Variants in KANK1 observed in about 807,000 individuals in gnomAD.
KANK1 encodes KN motif and ankyrin repeat domain-containing protein 1.
A neutral mutation model predicts 106.2 loss-of-function variants in KANK1; 109 were observed. That is an observed-to-expected ratio of 1.03 (90% CI 0.88 to 1.20). KANK1 has a LOEUF of 1.20. Among genes scored for constraint, KANK1 ranks in the 50% most tolerant of loss-of-function variants. The pLI is 0.00. For missense variants in KANK1, 2,399 were observed against 1,710.7 expected (o/e 1.40, Z -7.10); for synonymous variants, 873 against 652.2 (o/e 1.34, Z -5.16).
chr9:736,250 C>T (rs1159685216), intron 7 of KANK1, among the ~76,000 whole-genome samples: 12 of 152,168 alleles, frequency 7.9e-5, no homozygotes, highest in African/African-American at 2.2e-4. Context: ...TGACCCACCG[C>T]GCCTGGCCTC....
rs559786086 is a variant in KANK1 at position 701,394 on chromosome 9, G to A, written c.38-9410G>A. On this transcript the variant is annotated intron_variant, in intron 2 of 11. Coordinates refer to ENST00000382297, the MANE Select transcript of KANK1 (RefSeq NM_015158.5). Reference sequence around the variant, plus strand: ...GCTGGGATTACAGGCATGAGCCTCCGCGCCCAATGGAAGAATACAGATTAT... The same window carrying A: ...GCTGGGATTACAGGCATGAGCCTCCACGCCCAATGGAAGAATACAGATTAT... Among the ~76,000 whole-genome samples the A allele has an allele frequency of 4.6e-5, 7 of 152,186 alleles. No homozygotes were observed. The East Asian group carries it at 5.8e-4, about 13-fold the overall frequency.
In KANK1 at chr9:738,451, A is replaced by G; in HGVS notation, c.3500A>G (p.His1167Arg). ...LADGNGNTAL[H>R]YSVSHSNFEI... Reference sequence around the variant, plus strand: ...GACGGCAACGGCAACACAGCCCTCCATTACAGCGTGTCCCACTCCAACTTC... The same window carrying G: ...GACGGCAACGGCAACACAGCCCTCCGTTACAGCGTGTCCCACTCCAACTTC... The change falls in exon 8 of 12, where the codon CAT becomes CGT. Residue 1167 changes from histidine (H) to arginine (R), a missense_variant. By Grantham distance (29) the His-to-Arg change is conservative. Transcript: ENST00000382297. 1 of 1,614,138 alleles carries G rather than the reference A, an allele frequency of 6.2e-7. No individual in the cohort carries two copies. Among genetic ancestry groups the G allele is most frequent in the Non-Finnish European group, 8.5e-7 (1 of 1,180,028 alleles).
At chr9:478,674 C>G (rs542789223) in intron 3 of KANK1, among the ~76,000 whole-genome samples, 111 of 152,298 alleles carry the variant, frequency 7.3e-4, no homozygotes, top group Middle Eastern at 3.4e-3. Context: ...GGAGGGCAGA[C>G]AATAGCCACT....
intron 1 of KANK1, among the ~76,000 whole-genome samples, chr9:529,721 T>C (rs1412786996): frequency 6.6e-6 from 1 of 152,228 alleles, no homozygotes. Flanking sequence ...TCCTATTGAT[T>C]TGCTACATCC....
chr9:545,774 G>T (rs72689627), intron 1 of KANK1, among the ~76,000 whole-genome samples: 1,388 of 126,994 alleles, frequency 0.011, 36 homozygotes, highest in African/African-American at 0.04. Flanking sequence ...ATGTAGTCTC[G>T]CTGCTCTGTC....
At chr9:555,740 A>G (rs530827955) in intron 1 of KANK1, among the ~76,000 whole-genome samples, 16 of 152,362 alleles carry the variant, frequency 1.1e-4, no homozygotes, top group East Asian at 9.6e-4. Context: ...GAAATATTCA[A>G]TTTGACAAGA....
intron 1 of KANK1, among the ~76,000 whole-genome samples, chr9:669,413 C>A (rs1004061009): frequency 1.3e-5 from 2 of 152,054 alleles, no homozygotes; most frequent in Admixed American, 6.5e-5. Context: ...GTGGTAAATT[C>A]TCTTAGCTTT....
intron 1 of KANK1, among the ~76,000 whole-genome samples, chr9:582,286 A>T (rs1189289616): frequency 6.6e-6 from 1 of 152,088 alleles, no homozygotes; most frequent in African/African-American, 2.4e-5. Context: ...GATTTGAGGC[A>T]TTTCTTTGTT....
At chr9:666,436 T>A (rs561888564) in intron 1 of KANK1, among the ~76,000 whole-genome samples, 1 of 152,254 alleles carries the variant, frequency 6.6e-6, no homozygotes, top group East Asian at 1.9e-4. Flanking sequence ...ATGAACACCT[T>A]TATTTTTTTT....
At chr9:645,126 C>CAAAAAAAAAA (rs56391632) in intron 1 of KANK1, among the ~76,000 whole-genome samples, 1 of 71,104 alleles carries the variant, frequency 1.4e-5, no homozygotes, top group East Asian at 4.1e-4. Context: ...TCCATCTCTA[C>CAAAAAAAAAA]AAAAAAAAAA....
At chr9:691,434 T>TA (rs1482237582) in intron 2 of KANK1, among the ~76,000 whole-genome samples, 1 of 150,216 alleles carries the variant, frequency 6.7e-6, no homozygotes, top group Non-Finnish European at 1.5e-5. Context: ...TTATTATTAT[T>TA]TTTTTTAATA....
At chr9:600,842 G>T (rs1008086438) in intron 1 of KANK1, among the ~76,000 whole-genome samples, 1 of 151,822 alleles carries the variant, frequency 6.6e-6, no homozygotes, top group Non-Finnish European at 1.5e-5. Context: ...TTGGGAATTT[G>T]CTAACATGTT....
chr9:589,932 C>T (rs977965444), intron 1 of KANK1, among the ~76,000 whole-genome samples: 2 of 152,144 alleles, frequency 1.3e-5, no homozygotes, highest in African/African-American at 4.8e-5. Flanking sequence ...ATTCTGTGAA[C>T]CCCTTAGGCA....
chr9:515,984 T>C (rs1026032258), intron 1 of KANK1, among the ~76,000 whole-genome samples: 3 of 151,860 alleles, frequency 2.0e-5, no homozygotes, highest in African/African-American at 7.3e-5. Flanking sequence ...CAGTTGTTTC[T>C]TTTTAAGACC....
intron 1 of KANK1, among the ~76,000 whole-genome samples, chr9:604,005 G>A (rs1197916116): frequency 6.6e-6 from 1 of 150,554 alleles, no homozygotes; most frequent in Non-Finnish European, 1.5e-5. Flanking sequence ...TACCATGCTT[G>A]GTTTCTTTGT....
intron 1 of KANK1, among the ~76,000 whole-genome samples, chr9:505,960 C>T (rs563540254): frequency 2.0e-5 from 3 of 152,242 alleles, no homozygotes; most frequent in South Asian, 4.1e-4. Flanking sequence ...CTGCCAGTTT[C>T]TCCTTTCATC....
chr9:521,207 T>C (rs1311305868), intron 1 of KANK1, among the ~76,000 whole-genome samples: 2 of 151,802 alleles, frequency 1.3e-5, no homozygotes, highest in East Asian at 1.9e-4. Flanking sequence ...TGTGCCTCAA[T>C]TGGTTATTCA....
chr9:708,334 G>A (rs957677894), intron 2 of KANK1, among the ~76,000 whole-genome samples: 5 of 152,268 alleles, frequency 3.3e-5, no homozygotes, highest in African/African-American at 1.2e-4. Context: ...ATGTGGAGAT[G>A]AAAGTTAAAA....
chr9:558,012 AC>A (rs1815317202), intron 1 of KANK1, among the ~76,000 whole-genome samples: 4 of 152,208 alleles, frequency 2.6e-5, no homozygotes, highest in Non-Finnish European at 5.9e-5. Flanking sequence ...CAAAAAACAA[AC>A]AAACAAACCT....
Sources: gnomAD v4.1 joint callset for allele counts (sites outside exome capture counted in the v4.1 genomes callset) on GRCh38, gnomAD v4.1.1 for gene constraint, MANE v1.5 for transcripts, NCBI Gene and HGNC (gene_info 2026-07-23, HGNC 2026-07-21) for gene names.